Variants in OR1D2 observed in about 807,000 individuals in gnomAD.
The protein encoded by OR1D2 is olfactory receptor 1D2.
For synonymous variants in OR1D2, 157 were observed against 153.9 expected (o/e 1.02, Z -0.15); for missense variants, 357 against 376.1 (o/e 0.95, Z 0.42).
chr17:3,100,211 C>T (rs764306833), intron 1 of OR1D2, among the ~76,000 whole-genome samples: 6 of 152,158 alleles, frequency 3.9e-5, no homozygotes, highest in Non-Finnish European at 5.9e-5. Context: ...GAACTCTCCA[C>T]CCCCAATCAA....
intron 1 of OR1D2, 107 bp from the exon 2 acceptor site, chr17:3,093,153 T>A: frequency 4.3e-6 from 3 of 703,464 alleles, no homozygotes; most frequent in Non-Finnish European, 7.1e-6. Flanking sequence ...GTGAAAAATA[T>A]AACAAAGTTT....
At chr17:3,103,906 A>G (rs1597256771) in intron 1 of OR1D2, among the ~76,000 whole-genome samples, 193 bp downstream of exon 1, 1 of 152,156 alleles carries the variant, frequency 6.6e-6, no homozygotes, top group African/African-American at 2.4e-5. Context: ...ATGTGAAAGT[A>G]CCTTGAAAAC....
chr17:3,100,526 G>T (rs992470671), intron 1 of OR1D2, among the ~76,000 whole-genome samples: 7 of 152,168 alleles, frequency 4.6e-5, no homozygotes, highest in Admixed American at 2.6e-4. Context: ...AGCTAAAGCA[G>T]TGTTAAGAGG....
intron 1 of OR1D2, among the ~76,000 whole-genome samples, chr17:3,102,825 T>C (rs185225052): frequency 4.5e-4 from 69 of 152,254 alleles, no homozygotes; most frequent in Admixed American, 4.4e-3. Flanking sequence ...TATTCTTCAT[T>C]CCTCCAACTT....
intron 1 of OR1D2, among the ~76,000 whole-genome samples, chr17:3,100,928 T>C (rs1305863460): frequency 6.6e-6 from 1 of 151,950 alleles, no homozygotes; most frequent in Non-Finnish European, 1.5e-5. Context: ...CTAGAAGAAA[T>C]GAATAAACTC....
chr17:3,094,378 A>C (rs1205385758), intron 1 of OR1D2, among the ~76,000 whole-genome samples: 1 of 152,086 alleles, frequency 6.6e-6, no homozygotes, highest in African/African-American at 2.4e-5. Context: ...AAAAAATCAA[A>C]AAAGAAAAAA....
In OR1D2 at chr17:3,089,177, C is replaced by T. The variant is rs2047791748; in HGVS notation, c.*2881G>A. 1.3e-5 allele frequency: 2 copies of T among 151,982 alleles called. 1 individual carries two copies. The highest frequency in any genetic ancestry group is 4.2e-4 in the South Asian group (2 of 4,796). 9.4% of individuals were successfully genotyped at this position (151,982 alleles called of 1,614,324 possible). A position where few individuals can be genotyped will look rare whatever the true frequency, so the allele number is the denominator to read the frequency against. On this transcript the variant is annotated 3_prime_UTR_variant, in exon 2 of 2. Coordinates refer to ENST00000641833, the MANE Select transcript of OR1D2 (RefSeq NM_002548.3). The stretch of plus-strand genomic sequence containing the variant: ...ATTGTTTTTGTCCATGGGATCCCCC[C>T]TTGATATGGGGCTCTACCCCATCTC...
chr17:3,103,506 TTC>T (rs2047883467), intron 1 of OR1D2, among the ~76,000 whole-genome samples: 1 of 152,222 alleles, frequency 6.6e-6, no homozygotes, highest in Non-Finnish European at 1.5e-5. Context: ...CTTTCTGACT[TTC>T]TGACTCTCTC....
chr17:3,103,885 T>C (rs1025521874), intron 1 of OR1D2, among the ~76,000 whole-genome samples: 2 of 152,176 alleles, frequency 1.3e-5, no homozygotes, highest in African/African-American at 2.4e-5. Context: ...GAGAATTACA[T>C]GCAACAGAGA....
chr17:3,098,474 T>G (rs2151708081), intron 1 of OR1D2, among the ~76,000 whole-genome samples: 1 of 151,964 alleles, frequency 6.6e-6, no homozygotes, highest in South Asian at 2.1e-4. Flanking sequence ...AACAGCAGCA[T>G]CAACAACAGC....
chr17:3,097,832 C>T (rs1351820494), intron 1 of OR1D2, among the ~76,000 whole-genome samples: 1 of 152,162 alleles, frequency 6.6e-6, no homozygotes, highest in African/African-American at 2.4e-5. Context: ...ACACTTTTCC[C>T]CTGCCGGAGC....
At position 3,092,905 on chromosome 17, in the gene OR1D2, A is replaced by T. The variant is rs9916628; in HGVS notation, c.92T>A (p.Phe31Tyr). 7,286 of 1,613,966 alleles carry T rather than the reference A, an allele frequency of 4.5e-3. 184 individuals carry two copies. The African/African-American group carries it at 0.062, about 14-fold the overall frequency. Residue 31 changes from phenylalanine to tyrosine, a missense_variant, in exon 2 of 2, where the codon TTC becomes TAC. By Grantham distance (22) the Phe-to-Tyr change is conservative. Coordinates refer to ENST00000641833, the MANE Select transcript of OR1D2 (RefSeq NM_002548.3). ...PEQQRILFWM[F>Y]LSMYLVTVVG... is the part of the protein sequence containing the mutation. ...CACCGTGACCAGGTACATGGACAGGAACATCCAAAACAGGATCCGCTGCTG... is the reference window on the plus strand; with the variant it reads ...CACCGTGACCAGGTACATGGACAGGTACATCCAAAACAGGATCCGCTGCTG...
chr17:3,100,036 C>T (rs72808835), intron 1 of OR1D2, among the ~76,000 whole-genome samples: 10,170 of 152,142 alleles, frequency 0.067, 450 homozygotes, highest in Admixed American at 0.16. Context: ...AAAAGAAGTT[C>T]CTAGAGACCT....
At chr17:3,094,971 A>T (rs1353586393) in intron 1 of OR1D2, among the ~76,000 whole-genome samples, 1 of 152,114 alleles carries the variant, frequency 6.6e-6, no homozygotes, top group Non-Finnish European at 1.5e-5. Flanking sequence ...GCTGAAAAAT[A>T]GAGGAAGAGA....
At chr17:3,099,251 G>A (rs2047863690) in intron 1 of OR1D2, among the ~76,000 whole-genome samples, 1 of 151,980 alleles carries the variant, frequency 6.6e-6, no homozygotes, top group South Asian at 2.1e-4. Flanking sequence ...TCAAAGTGAA[G>A]GAAAAAATGT....
intron 1 of OR1D2, among the ~76,000 whole-genome samples, chr17:3,103,458 A>G (rs2047883201): frequency 6.6e-6 from 1 of 152,200 alleles, no homozygotes; most frequent in Admixed American, 6.5e-5. Context: ...ACTCATGTGC[A>G]TCACGATCAC....
rs1206040121 is a variant in OR1D2, at chr17:3,089,611, A to G, written c.*2447T>C. The G allele has an allele frequency of 2.6e-5, 4 of 152,216 alleles. No homozygotes were observed. Among genetic ancestry groups the G allele is most frequent in the Non-Finnish European group, 5.9e-5 (4 of 68,076 alleles). The allele number at this position is 152,216 out of a possible 1,614,324, so 9.4% of individuals were successfully genotyped here. ...GGGACCATAGAGCTCCCAAGAGATT[A>G]TGCCCTTTGTCTTCGGCTACCAGGG... On this transcript the variant is annotated 3_prime_UTR_variant, in exon 2 of 2. Transcript: ENST00000641833.
rs1309611666 is a variant in OR1D2 at position 3,092,252 on chromosome 17, A to C, written c.745T>G (p.Ser249Ala). 4 of 1,614,076 alleles carry C rather than the reference A, an allele frequency of 2.5e-6. No homozygotes were observed. Among genetic ancestry groups the C allele is most frequent in the Non-Finnish European group, 3.4e-6 (4 of 1,180,042 alleles). Residue 249 changes from serine (S) to alanine (A), a missense_variant, in exon 2 of 2, where the codon TCC (serine) becomes GCC (alanine). Transcript: ENST00000641833. ...ATACAAAGTGTCCCATAGAAGAGGG[A>C]GACTGCACCCAAATGGGAGGCACAG... ...STCASHLGAV[S>A]LFYGTLCMVY...
At position 3,095,150 on chromosome 17, in the gene OR1D2, T is replaced by C. The variant is rs560343509; in HGVS notation, c.-50-2104A>G. 2.0e-5 allele frequency among the ~76,000 whole-genome samples: 3 copies of C among 152,050 alleles called. No individual in the cohort carries two copies. The South Asian group carries it at 6.2e-4, about 32-fold the overall frequency. On this transcript the variant is annotated intron_variant, in intron 1 of 1. Transcript: ENST00000641833. ...AAATTTGTTTAAAAAACTACACATA[T>C]AGGAAACTCGACAAACTTTAGGCAG...
Sources: allele counts gnomAD v4.1 joint callset (sites outside exome capture counted in the v4.1 genomes callset), GRCh38; gene constraint gnomAD v4.1.1; transcripts MANE v1.5; gene names NCBI Gene and HGNC (gene_info 2026-07-23, HGNC 2026-07-21).